IQCM: variants seen among roughly 807,000 people sequenced by gnomAD.
IQCM encodes IQ motif containing M.
Under a neutral mutation model 57.6 loss-of-function variants are expected in IQCM, and 45 were observed. That is an observed-to-expected ratio of 0.78 (90% CI 0.62 to 1.00). IQCM has a LOEUF of 1.00. IQCM is among the 50% of genes least tolerant of loss of function. The pLI, the probability that IQCM is intolerant of heterozygous loss-of-function variation, is 0.00. For missense variants in IQCM, 468 were observed against 511.6 expected, an observed-to-expected ratio of 0.91 and a Z score of 0.82; for synonymous variants, 148 against 158.9, an observed-to-expected ratio of 0.93 and a Z score of 0.51.
chr4:149,704,600 T>C (rs1764018546), intron 5 of IQCM, among the ~76,000 whole-genome samples: 1 of 151,734 alleles, frequency 6.6e-6, no homozygotes, highest in African/African-American at 2.4e-5. Flanking sequence ...GACAGAGTAA[T>C]AAGGCTGAGC....
Position 149,786,462 on chromosome 4 carries a change from A to G in IQCM, c.-49+28849T>C, listed in dbSNP as rs1580296074. Among the ~76,000 whole-genome samples the G allele has an allele frequency of 2.0e-5, 3 of 152,164 alleles. No homozygotes were observed. In the South Asian group the frequency reaches 6.2e-4, roughly 32 times the overall value. On this transcript the variant is annotated intron_variant, in intron 2 of 13. Transcript: ENST00000636793. Reference sequence around the variant, plus strand: ...CAGAACCACCCCAAAGTAGAAGAGGAAATTTAAACAAATTCACAAGAAAAA... The same window carrying G: ...CAGAACCACCCCAAAGTAGAAGAGGGAATTTAAACAAATTCACAAGAAAAA...
At chr4:149,471,499 C>G (rs1235084546) in intron 12 of IQCM, among the ~76,000 whole-genome samples, 5 of 152,132 alleles carry the variant, frequency 3.3e-5, no homozygotes, top group African/African-American at 1.2e-4. Context: ...TAAAAAAAGT[C>G]CAGGCCCAGA....
chr4:149,567,986 C>T (rs894112103), intron 9 of IQCM, among the ~76,000 whole-genome samples: 3 of 152,158 alleles, frequency 2.0e-5, no homozygotes, highest in Non-Finnish European at 4.4e-5. Context: ...TATTTTTAGC[C>T]GTTTAGAGTC....
intron 12 of IQCM, among the ~76,000 whole-genome samples, chr4:149,469,117 G>C (rs1289048031): frequency 6.6e-6 from 1 of 152,214 alleles, no homozygotes; most frequent in Non-Finnish European, 1.5e-5. Flanking sequence ...AAGGTGGACA[G>C]AGAATGACTT....
intron 7 of IQCM, 112 bp downstream of exon 7, chr4:149,682,006 G>T (rs1762214700): frequency 2.4e-6 from 1 of 424,428 alleles, no homozygotes; most frequent in Non-Finnish European, 4.0e-6. Context: ...TGTTTGAAAT[G>T]AAAATAAAGG....
Position 149,585,689 on chromosome 4 carries a change from T to C in IQCM, c.749+2241A>G, listed in dbSNP as rs977175370. On this transcript the variant is annotated intron_variant, in intron 9 of 13. Coordinates refer to ENST00000636793, the MANE Select transcript of IQCM (RefSeq NM_001363507.2). ...TCAATTTACCTCTCTTAAGTAATCA[T>C]CAGAAAGCCTATTAAAATTTAAGAT... Among the ~76,000 whole-genome samples, 5 of 151,630 alleles carry C rather than the reference T, an allele frequency of 3.3e-5. No individual in the cohort carries two copies. The Admixed American group carries it at 3.3e-4, about 10-fold the overall frequency.
chr4:149,520,058 A>G (rs1422161737), intron 12 of IQCM, among the ~76,000 whole-genome samples: 3 of 152,322 alleles, frequency 2.0e-5, no homozygotes, highest in African/African-American at 7.2e-5. Flanking sequence ...TCCATTAAAC[A>G]ATATGTAGTA....
intron 5 of IQCM, among the ~76,000 whole-genome samples, chr4:149,732,595 G>T (rs1766561019): frequency 6.6e-6 from 1 of 151,884 alleles, no homozygotes; most frequent in Admixed American, 6.6e-5. Context: ...ATTCTTTGTT[G>T]AATAGGAAAA....
intron 12 of IQCM, among the ~76,000 whole-genome samples, chr4:149,440,336 C>T (rs1176659115): frequency 2.0e-5 from 3 of 151,612 alleles, no homozygotes; most frequent in African/African-American, 4.8e-5. Flanking sequence ...TGAGACAAAT[C>T]GCATCATTTT....
At chr4:149,616,974 T>TG (rs1442274633) in intron 8 of IQCM, among the ~76,000 whole-genome samples, 1 of 150,946 alleles carries the variant, frequency 6.6e-6, no homozygotes, top group African/African-American at 2.5e-5. Context: ...TTTTTTTTTT[T>TG]GAGATGGGGT....
chr4:149,406,827 C>T lies in IQCM; in HGVS notation c.1390+26569G>A, dbSNP rs147008712. Among the ~76,000 whole-genome samples the T allele has an allele frequency of 3.0e-3, 454 of 152,264 alleles. 3 individuals carry two copies. The highest frequency in any genetic ancestry group is 0.01 in the Middle Eastern group (3 of 294). On this transcript the variant is annotated intron_variant, in intron 13 of 13. Coordinates refer to ENST00000636793, the MANE Select transcript of IQCM (RefSeq NM_001363507.2). ...CAGTCTGTATTAGTCTGTTTTCACG[C>T]TGCTGATAAAGACATACCCAAGACT... is the stretch of plus-strand genomic sequence containing the variant.
intron 2 of IQCM, among the ~76,000 whole-genome samples, chr4:149,752,602 C>T (rs1256937689): frequency 2.0e-5 from 3 of 150,138 alleles, no homozygotes; most frequent in South Asian, 4.2e-4. Context: ...ATGAGACAGG[C>T]ATTAATAGGG....
intron 3 of IQCM, among the ~76,000 whole-genome samples, chr4:149,740,796 G>T (rs1477605977): frequency 1.3e-5 from 2 of 151,988 alleles, no homozygotes; most frequent in Non-Finnish European, 1.5e-5. Context: ...AACAAATAAA[G>T]GTCTGAATAA....
chr4:149,369,664 AAG>A (rs1248659823), intron 13 of IQCM, among the ~76,000 whole-genome samples: 4 of 147,698 alleles, frequency 2.7e-5, no homozygotes, highest in African/African-American at 1.1e-4. Flanking sequence ...ATCGCCTAAG[AAG>A]AAATAATCAT....
intron 2 of IQCM, among the ~76,000 whole-genome samples, chr4:149,788,362 C>T: frequency 6.6e-6 from 1 of 152,048 alleles, no homozygotes; most frequent in Non-Finnish European, 1.5e-5. Flanking sequence ...ACAACAAAAA[C>T]ATACAAATGA....
rs1363615696 is a variant in IQCM, at chr4:149,624,465, A to G, written c.566-3221T>C. The stretch of plus-strand genomic sequence containing the variant: ...TTGACAATTAGCCCATTATTTACAC[A>G]GGTGGGAGACATTTCCAAAACCTAA... On this transcript the variant is annotated intron_variant, in intron 7 of 13. Transcript: ENST00000636793. Among the ~76,000 whole-genome samples, 4 of 152,188 alleles carry G rather than the reference A, an allele frequency of 2.6e-5. No homozygotes were observed. In the East Asian group the frequency reaches 7.7e-4, roughly 29 times the overall value.
At chr4:149,772,386 T>C (rs900276777) in intron 2 of IQCM, among the ~76,000 whole-genome samples, 1 of 152,208 alleles carries the variant, frequency 6.6e-6, no homozygotes, top group African/African-American at 2.4e-5. Context: ...CTCTGTTATA[T>C]ATATTTCATG....
intron 7 of IQCM, among the ~76,000 whole-genome samples, chr4:149,647,299 AATTTTATTTTCC>A: frequency 6.6e-6 from 1 of 152,130 alleles, no homozygotes; most frequent in Non-Finnish European, 1.5e-5. Context: ...TTTAAAGGAA[AATTTTATTTTCC>A]CTTATATTTC....
chr4:149,368,755 TGTA>T (rs1458375097), intron 13 of IQCM, among the ~76,000 whole-genome samples: 1 of 99,318 alleles, frequency 1.0e-5, no homozygotes, highest in East Asian at 3.2e-4. Context: ...TATATATACA[TGTA>T]TATATATATA....
Sources: allele counts gnomAD v4.1 joint callset (sites outside exome capture counted in the v4.1 genomes callset), GRCh38; gene constraint gnomAD v4.1.1; transcripts MANE v1.5; gene names NCBI Gene and HGNC (gene_info 2026-07-23, HGNC 2026-07-21).